SSH2: variants seen among roughly 807,000 people sequenced by gnomAD.
The protein encoded by SSH2 is slingshot protein phosphatase 2.
Under a neutral mutation model 135.2 loss-of-function variants are expected in SSH2, and 37 were observed. That is an observed-to-expected ratio of 0.27 (90% confidence interval 0.21 to 0.36). The LOEUF (loss-of-function observed/expected upper bound fraction) is 0.36. Ranked by LOEUF, SSH2 falls within the 10% of genes least tolerant of loss-of-function variation. The pLI, the probability that SSH2 is intolerant of heterozygous loss-of-function variation, is 1.00. For synonymous variants in SSH2, 628 were observed against 646.2 expected, an observed-to-expected ratio of 0.97 and a Z score of 0.43; for missense variants, 1,408 against 1,765.3, an observed-to-expected ratio of 0.80 and a Z score of 3.63.
At chr17:29,700,478 A>G (rs974171147) in intron 4 of SSH2, among the ~76,000 whole-genome samples, 2 of 152,240 alleles carry the variant, frequency 1.3e-5, no homozygotes, top group South Asian at 2.1e-4. Flanking sequence ...GAGAAATCCA[A>G]TATAAAAGAA....
At chr17:29,913,347 A>AAAAAAAAAAAAAAAATAT in intron 1 of SSH2, among the ~76,000 whole-genome samples, 1 of 28,786 alleles carries the variant, frequency 3.5e-5, no homozygotes. Flanking sequence ...AAAAAAAAAA[A>AAAAAAAAAAAAAAAATAT]ATATATATAT....
chr17:29,872,572 C>T (rs988911691), intron 1 of SSH2, among the ~76,000 whole-genome samples: 1 of 151,812 alleles, frequency 6.6e-6, no homozygotes, highest in African/African-American at 2.4e-5. Flanking sequence ...CTTAGCAACA[C>T]AGCAAGACCC....
intron 11 of SSH2, among the ~76,000 whole-genome samples, chr17:29,657,175 C>CA (rs1412843302): frequency 1.3e-5 from 2 of 152,048 alleles, no homozygotes; most frequent in Non-Finnish European, 2.9e-5. Context: ...CCATGTTGCC[C>CA]AGGCTGGTCT....
chr17:29,918,980 C>A (rs1204897703), intron 1 of SSH2, among the ~76,000 whole-genome samples: 2 of 151,902 alleles, frequency 1.3e-5, no homozygotes, highest in African/African-American at 4.8e-5. Context: ...TGCCACTCAC[C>A]CCTAACCCTC....
intron 2 of SSH2, among the ~76,000 whole-genome samples, chr17:29,847,270 A>G (rs145835342): frequency 1.3e-5 from 2 of 152,212 alleles, no homozygotes; most frequent in African/African-American, 4.8e-5. Flanking sequence ...AGTAAAGGGC[A>G]GTACACCTTA....
chr17:29,637,833 G>T (rs1468248115), intron 14 of SSH2, among the ~76,000 whole-genome samples: 1 of 151,582 alleles, frequency 6.6e-6, no homozygotes, highest in Non-Finnish European at 1.5e-5. Context: ...ATATTTACTG[G>T]CCGGCTGCCG....
At chr17:29,768,816 T>A (rs2151269342) in intron 3 of SSH2, among the ~76,000 whole-genome samples, 1 of 152,206 alleles carries the variant, frequency 6.6e-6, no homozygotes, top group East Asian at 1.9e-4. Context: ...TGGGAAGTGA[T>A]TTTGGGAGTA....
At chr17:29,924,235 T>C (rs1281751674) in intron 1 of SSH2, among the ~76,000 whole-genome samples, 1 of 152,226 alleles carries the variant, frequency 6.6e-6, no homozygotes, top group East Asian at 1.9e-4. Flanking sequence ...TTATACTTAA[T>C]AGAAATCAAT....
At chr17:29,749,024 A>G (rs1387987147) in intron 3 of SSH2, among the ~76,000 whole-genome samples, 1 of 152,238 alleles carries the variant, frequency 6.6e-6, no homozygotes, top group Non-Finnish European at 1.5e-5. Context: ...AAAGGGGAAA[A>G]TATTATTCCG....
In SSH2 at chr17:29,914,571, A is replaced by C. The variant is rs57909630; in HGVS notation, c.63+15367T>G. 4.7e-3 allele frequency among the ~76,000 whole-genome samples: 696 copies of C among 149,216 alleles called. 5 individuals are homozygous for C. Among genetic ancestry groups the C allele is most frequent in the Middle Eastern group, 0.014 (4 of 286 alleles). On this transcript the variant is annotated intron_variant, in intron 1 of 15. Transcript: ENST00000540801. The stretch of plus-strand genomic sequence containing the variant: ...GAGACCCTGTCTGAAAAAAAAAAAA[A>C]AAACAAACAAAAAACCCCAAAGAGT...
intron 1 of SSH2, among the ~76,000 whole-genome samples, chr17:29,871,962 T>C (rs183053996): frequency 1.3e-5 from 2 of 152,318 alleles, no homozygotes; most frequent in Admixed American, 6.5e-5. Flanking sequence ...AATAATTACA[T>C]TGTAGAACAC....
intron 3 of SSH2, among the ~76,000 whole-genome samples, chr17:29,723,028 A>C (rs750654837): frequency 3.3e-5 from 5 of 152,178 alleles, no homozygotes; most frequent in Non-Finnish European, 7.3e-5. Context: ...CTACTCAAAT[A>C]AGGAGACCTT....
intron 1 of SSH2, among the ~76,000 whole-genome samples, chr17:29,872,084 T>G (rs1404136685): frequency 1.3e-5 from 2 of 152,232 alleles, no homozygotes; most frequent in African/African-American, 4.8e-5. Flanking sequence ...AAAGCAGTTG[T>G]CTATTAGACA....
chr17:29,730,995 T>C (rs190386301), intron 3 of SSH2, among the ~76,000 whole-genome samples: 95 of 152,308 alleles, frequency 6.2e-4, no homozygotes, highest in African/African-American at 2.1e-3. Context: ...AGATCATGTT[T>C]TCATTGACTT....
At chr17:29,735,696 C>CA (rs1246276444) in intron 3 of SSH2, among the ~76,000 whole-genome samples, 1,158 of 48,442 alleles carry the variant, frequency 0.024, 6 homozygotes, top group East Asian at 0.069. Context: ...GATTCTGTCT[C>CA]AAAAAAAAAA....
chr17:29,896,994 C>T (rs2066457674), intron 1 of SSH2, among the ~76,000 whole-genome samples: 1 of 151,718 alleles, frequency 6.6e-6, no homozygotes, highest in South Asian at 2.1e-4. Flanking sequence ...TACTGTAATG[C>T]TATAAAGACA....
chr17:29,807,481 GA>G (rs2042365894), intron 2 of SSH2, among the ~76,000 whole-genome samples: 1 of 152,218 alleles, frequency 6.6e-6, no homozygotes, highest in Non-Finnish European at 1.5e-5. Flanking sequence ...AGGGGACACA[GA>G]AAAGTGTGAA....
At chr17:29,772,618 T>C (rs1170098613) in intron 3 of SSH2, among the ~76,000 whole-genome samples, 1 of 152,128 alleles carries the variant, frequency 6.6e-6, no homozygotes, top group Non-Finnish European at 1.5e-5. Flanking sequence ...TGTGAGTTGG[T>C]GGACTGAGTG....
At position 29,632,444 on chromosome 17, in the gene SSH2, C is replaced by T. The variant is rs1283750894; in HGVS notation, c.2750G>A (p.Cys917Tyr). 3.1e-6 allele frequency: 5 copies of T among 1,614,198 alleles called. No homozygotes were observed. The highest frequency in any genetic ancestry group is 1.6e-4 in the Middle Eastern group (1 of 6,062). Residue 917 changes from cysteine to tyrosine, a missense_variant, in exon 16 of 16, where the codon TGT (cysteine) becomes TAT (tyrosine). Coordinates refer to ENST00000540801, the MANE Select transcript of SSH2 (RefSeq NM_001282129.2). The stretch of plus-strand genomic sequence containing the variant: ...ATTCTTACGAGTGGACAATGAGGTA[C>T]ATGTTGGGGCAGCACCATGATGCTC... ...EQEHHGAAPT[C>Y]TSLSTRKNSK... is the part of the protein sequence containing the mutation.
Sources: gnomAD v4.1 joint callset for allele counts (sites outside exome capture counted in the v4.1 genomes callset) on GRCh38, gnomAD v4.1.1 for gene constraint, MANE v1.5 for transcripts, NCBI Gene and HGNC (gene_info 2026-07-23, HGNC 2026-07-21) for gene names.